Variants in ZNF100 observed in about 807,000 individuals in gnomAD.
The protein encoded by ZNF100 is zinc finger protein 100 (Y1).
Under a neutral mutation model 15.8 loss-of-function variants are expected in ZNF100, and 12 were observed. That is an observed-to-expected ratio of 0.76 (90% CI 0.49 to 1.23). ZNF100 has a LOEUF of 1.23. Ranked by LOEUF, ZNF100 falls within the 50% of genes most tolerant of loss-of-function variation. ZNF100 has a pLI of 0.00. For synonymous variants in ZNF100, 226 were observed against 214.8 expected, an observed-to-expected ratio of 1.05 and a Z score of -0.45; for missense variants, 670 against 635.6, an observed-to-expected ratio of 1.05 and a Z score of -0.58.
chr19:21,729,678 A>G (rs770770557), intron 4 of ZNF100, among the ~76,000 whole-genome samples: 1 of 152,180 alleles, frequency 6.6e-6, no homozygotes, highest in African/African-American at 2.4e-5. Flanking sequence ...TTCTAAGTAT[A>G]TGCACATACA....
chr19:21,751,474 A>G, intron 2 of ZNF100: 1 of 914,908 alleles, frequency 1.1e-6, no homozygotes, highest in Middle Eastern at 2.1e-4. Flanking sequence ...GTGCAACAGT[A>G]ACTCTGGTTT....
rs1482668412 is a variant in ZNF100, at chr19:21,727,151, G to A, written c.1161C>T (p.Tyr387=). The A allele has an allele frequency of 1.9e-6, 3 of 1,611,512 alleles. No homozygotes were observed. The highest frequency in any genetic ancestry group is 2.2e-5 in the East Asian group (1 of 44,828). Residue 387 remains tyrosine, a synonymous_variant, in exon 5 of 5, where the codon TAC becomes TAT. Coordinates refer to ENST00000358296, the MANE Select transcript of ZNF100 (RefSeq NM_173531.4). ...ECGKAFYRFS[Y]LTKHKTSHTG... ...TATGACTTGTCTTATGTTTAGTAAG[G>A]TATGAGAATCGGTAAAAAGCTTTGC... is the stretch of plus-strand genomic sequence containing the variant.
At chr19:21,755,942 G>A (rs4809175) in intron 2 of ZNF100, among the ~76,000 whole-genome samples, 115,639 of 152,038 alleles carry the variant, frequency 0.76, 45,197 homozygotes, top group Non-Finnish European at 0.85. Flanking sequence ...GGGGTGAATG[G>A]TGAGGAGACA....
intron 1 of ZNF100, 106 bp downstream of exon 1, chr19:21,767,321 T>C (rs772720654): frequency 6.9e-6 from 11 of 1,586,764 alleles, no homozygotes; most frequent in East Asian, 2.2e-5. Flanking sequence ...AAGGCGCAGA[T>C]TGTGAAGCTG....
intron 2 of ZNF100, chr19:21,751,635 C>G: frequency 6.7e-7 from 1 of 1,498,892 alleles, no homozygotes; most frequent in Non-Finnish European, 9.2e-7. Flanking sequence ...AAGGACATTA[C>G]AGTTGAGGAC....
chr19:21,735,622 GAGA>G (rs574912292), intron 4 of ZNF100, among the ~76,000 whole-genome samples: 82 of 152,112 alleles, frequency 5.4e-4, no homozygotes, highest in African/African-American at 1.5e-3. Flanking sequence ...AAAATAAAGG[GAGA>G]AGAATTTACC....
At chr19:21,761,143 A>G (rs1199085425) in intron 2 of ZNF100, among the ~76,000 whole-genome samples, 2 of 152,188 alleles carry the variant, frequency 1.3e-5, no homozygotes, top group Non-Finnish European at 2.9e-5. Flanking sequence ...GACTGAACTA[A>G]TAGAAGACTG....
At position 21,767,458 on chromosome 19, in the gene ZNF100, T is replaced by C. The variant is rs1230200268; in HGVS notation, c.-29A>G. On this transcript the variant is annotated 5_prime_UTR_variant, in exon 1 of 5. Transcript: ENST00000358296. The stretch of plus-strand genomic sequence containing the variant: ...TAGGCTTCTAGGGGGTCCTGGCGTC[T>C]TAGCTGTGGATCTCCCAATATCTGC... 5 of 1,614,010 alleles carry C rather than the reference T, an allele frequency of 3.1e-6. No homozygotes were observed. The East Asian group carries it at 1.1e-4, about 36-fold the overall frequency.
At chr19:21,743,760 C>T (rs2036160336) in intron 4 of ZNF100, among the ~76,000 whole-genome samples, 1 of 149,936 alleles carries the variant, frequency 6.7e-6, no homozygotes, top group African/African-American at 2.5e-5. Context: ...GACTCTGGCT[C>T]TCACTGTAAA....
chr19:21,737,716 T>C (rs1288209324), intron 4 of ZNF100, among the ~76,000 whole-genome samples: 1 of 151,578 alleles, frequency 6.6e-6, no homozygotes, highest in Non-Finnish European at 1.5e-5. Flanking sequence ...CAACAAGTTC[T>C]GAAATTGAGA....
rs1286693289 is a variant in ZNF100, at chr19:21,727,329, C to A, written c.983G>T (p.Arg328Leu). ...CCTGTGTGTAGTAAGGTGTGAGGAC[C>A]GGTTAAAAGCTTTGCCACATTCTGT... The part of the protein sequence containing the change: ...KCTECGKAFN[R>L]SSHLTTHRII... Residue 328 changes from arginine to leucine, a missense_variant, in exon 5 of 5, where the codon CGG (arginine) becomes CTG (leucine). By Grantham distance (102) the Arg-to-Leu change is moderately radical. Transcript: ENST00000358296. 11 of 1,611,966 alleles carry A rather than the reference C, an allele frequency of 6.8e-6. No homozygotes were observed. The East Asian group carries it at 2.5e-4, about 36-fold the overall frequency.
intron 2 of ZNF100, among the ~76,000 whole-genome samples, chr19:21,758,592 A>T (rs2036430052): frequency 6.6e-6 from 1 of 152,206 alleles, no homozygotes; most frequent in South Asian, 2.1e-4. Context: ...TTGCTGCTGC[A>T]GATTCATTGT....
At chr19:21,743,339 T>C (rs1195548462) in intron 4 of ZNF100, 1 of 152,360 alleles carries the variant, frequency 6.6e-6, no homozygotes, top group African/African-American at 2.4e-5. Flanking sequence ...TAAAGTGTCA[T>C]ATTATCTAAA....
chr19:21,762,850 C>G (rs898381634), intron 2 of ZNF100, among the ~76,000 whole-genome samples: 16 of 152,206 alleles, frequency 1.1e-4, no homozygotes, highest in Middle Eastern at 3.4e-3. Flanking sequence ...CAGGATGAGA[C>G]AGGAGATCAG....
intron 2 of ZNF100, chr19:21,753,236 C>T (rs994727759): frequency 6.6e-6 from 1 of 151,986 alleles, no homozygotes; most frequent in Non-Finnish European, 1.5e-5. Context: ...TCAACCTGGA[C>T]AACATATCGG....
chr19:21,742,567 T>C (rs910835101), intron 4 of ZNF100, among the ~76,000 whole-genome samples: 9 of 151,902 alleles, frequency 5.9e-5, no homozygotes, highest in African/African-American at 1.9e-4. Context: ...CAGACACCAA[T>C]GCAAAACTAT....
chr19:21,765,248 C>T (rs1235093592), intron 2 of ZNF100, among the ~76,000 whole-genome samples: 1 of 152,116 alleles, frequency 6.6e-6, no homozygotes, highest in African/African-American at 2.4e-5. Context: ...AGGTGACAAA[C>T]CCAGGTAGTG....
At chr19:21,747,538 T>C (rs1421869024) in intron 2 of ZNF100, among the ~76,000 whole-genome samples, 1 of 152,102 alleles carries the variant, frequency 6.6e-6, no homozygotes, top group African/African-American at 2.4e-5. Context: ...ACAAGTCCCC[T>C]GCCAATGCTG....
rs563483821 is a variant in ZNF100 at position 21,734,586 on chromosome 19, C to T, written c.323-6597G>A. Among the ~76,000 whole-genome samples, 3 of 152,176 alleles carry T rather than the reference C, an allele frequency of 2.0e-5. No individual in the cohort carries two copies. In the South Asian group the frequency reaches 6.2e-4, roughly 32 times the overall value. ...AACAGACCAAACTTACAACTGATTG[C>T]AGTACACTAAAGAGAGGGAAAGAAT... On this transcript the variant is annotated intron_variant, in intron 4 of 4. Coordinates refer to ENST00000358296, the MANE Select transcript of ZNF100 (RefSeq NM_173531.4).
Sources: gnomAD v4.1 joint callset for allele counts (sites outside exome capture counted in the v4.1 genomes callset) on GRCh38, gnomAD v4.1.1 for gene constraint, MANE v1.5 for transcripts, NCBI Gene and HGNC (gene_info 2026-07-23, HGNC 2026-07-21) for gene names.